The following JARID2 variants were observed in gnomAD, a reference collection of about 807,000 sequenced individuals.
The protein encoded by JARID2 is jumonji and AT-rich interaction domain containing 2, also known as protein Jumonji.
JARID2 carries 21 observed loss-of-function variants against 125.6 expected under a neutral mutation model. The ratio of observed to expected loss-of-function variants is 0.17; its 90% CI spans 0.12 to 0.24. The LOEUF (loss-of-function observed/expected upper bound fraction) is 0.24. JARID2 is among the 10% of genes least tolerant of loss of function. The pLI is 1.00. For missense variants in JARID2, 1,303 were observed against 1,639.6 expected, an observed-to-expected ratio of 0.79 and a Z score of 3.55; for synonymous variants, 736 against 661.6, an observed-to-expected ratio of 1.11 and a Z score of -1.73.
chr6:15,515,994 CAAAA>C (rs568172506), intron 16 of JARID2, among the ~76,000 whole-genome samples: 1 of 110,818 alleles, frequency 9.0e-6, no homozygotes, highest in East Asian at 2.7e-4. Flanking sequence ...GACTCCATCT[CAAAA>C]AAAAAAAAAA....
intron 1 of JARID2, among the ~76,000 whole-genome samples, chr6:15,314,032 AGGTGTCCTGATG>A (rs1762102149): frequency 2.0e-5 from 3 of 152,190 alleles, no homozygotes; most frequent in African/African-American, 7.2e-5. Context: ...CCAAGGCCCA[AGGTGTCCTGATG>A]TTGAGTCCTT....
In JARID2 at chr6:15,507,263, G is replaced by A. The variant is rs1771048630; in HGVS notation, c.2660+9G>A. ...TCAGAACCCTTTTCGAGGTAACCTG[G>A]GATTCTCTCGTCCAGGTTCTTGGGG... On this transcript the variant is annotated intron_variant, in intron 10 of 17. Coordinates refer to ENST00000341776, the MANE Select transcript of JARID2 (RefSeq NM_004973.4). 1 of 1,607,486 alleles carries A rather than the reference G, an allele frequency of 6.2e-7. No individual in the cohort carries two copies. Among genetic ancestry groups the A allele is most frequent in the Non-Finnish European group, 8.5e-7 (1 of 1,174,078 alleles).
At chr6:15,362,958 G>C (rs1205646192) in intron 1 of JARID2, among the ~76,000 whole-genome samples, 1 of 152,196 alleles carries the variant, frequency 6.6e-6, no homozygotes, top group East Asian at 1.9e-4. Flanking sequence ...AGAGTAGCCA[G>C]GAAGGTGGTG....
At chr6:15,342,012 G>GT (rs1410279754) in intron 1 of JARID2, among the ~76,000 whole-genome samples, 1 of 151,776 alleles carries the variant, frequency 6.6e-6, no homozygotes, top group African/African-American at 2.4e-5. Context: ...ATAAAAAGGG[G>GT]GGGGACAGCA....
At chr6:15,429,739 G>A (rs1004853548) in intron 3 of JARID2, among the ~76,000 whole-genome samples, 13 of 152,220 alleles carry the variant, frequency 8.5e-5, no homozygotes, top group African/African-American at 2.6e-4. Context: ...GGAAAGAACC[G>A]AGTACACGTT....
chr6:15,311,490 AT>A (rs1193666911), intron 1 of JARID2, among the ~76,000 whole-genome samples: 1 of 152,240 alleles, frequency 6.6e-6, no homozygotes, highest in Non-Finnish European at 1.5e-5. Context: ...AGGCAGGAGA[AT>A]CGCTTGAACC....
chr6:15,508,231 A>G (rs1771103933), intron 11 of JARID2, 109 bp from the exon 12 acceptor site: 1 of 667,812 alleles, frequency 1.5e-6, no homozygotes, highest in Non-Finnish European at 2.8e-6. Flanking sequence ...TTTGAGTCCC[A>G]TTTCTTTTCC....
At chr6:15,399,652 G>A (rs1262676511) in intron 2 of JARID2, among the ~76,000 whole-genome samples, 5 of 152,228 alleles carry the variant, frequency 3.3e-5, no homozygotes. Flanking sequence ...TCACTCCTGA[G>A]CAAAGTTGAC....
chr6:15,248,976 G>T, intron 1 of JARID2: 2 of 985,478 alleles, frequency 2.0e-6, no homozygotes, highest in Non-Finnish European at 2.4e-6. Context: ...TGAGGGCCGG[G>T]GAGCCGTAGG....
intron 2 of JARID2, chr6:15,400,762 C>G (rs1765396931): frequency 1.0e-6 from 1 of 981,324 alleles, no homozygotes; most frequent in South Asian, 4.7e-5. Context: ...TGGCTGCCTC[C>G]CCTCCCCCTC....
chr6:15,257,564 C>T (rs1759711964), intron 1 of JARID2, among the ~76,000 whole-genome samples: 1 of 152,142 alleles, frequency 6.6e-6, no homozygotes, highest in South Asian at 2.1e-4. Context: ...GGCTGTTGTA[C>T]AAAATGATGC....
At chr6:15,485,860 G>A (rs1441355988) in intron 5 of JARID2, among the ~76,000 whole-genome samples, 3 of 152,156 alleles carry the variant, frequency 2.0e-5, no homozygotes, top group Non-Finnish European at 2.9e-5. Context: ...TTTTCAGAAA[G>A]GACAGACAGG....
chr6:15,262,127 G>C (rs1441597871), intron 1 of JARID2, among the ~76,000 whole-genome samples: 1 of 150,638 alleles, frequency 6.6e-6, no homozygotes, highest in African/African-American at 2.4e-5. Context: ...CATGGAAAAG[G>C]TATGTATAAA....
Position 15,354,189 on chromosome 6 carries a change from A to C in JARID2, c.46-19928A>C, listed in dbSNP as rs1763522698. Among the ~76,000 whole-genome samples, 6 of 152,210 alleles carry C rather than the reference A, an allele frequency of 3.9e-5. No homozygotes were observed. In the South Asian group the frequency reaches 1.2e-3, roughly 32 times the overall value. On this transcript the variant is annotated intron_variant, in intron 1 of 17. Transcript: ENST00000341776. ...ACAGAGGTAGGTGGCTCACTGTCAG[A>C]GCAAAAAATGAGACGAGAAGACAGG...
chr6:15,285,103 TG>T (rs1760942672), intron 1 of JARID2, among the ~76,000 whole-genome samples: 2 of 143,620 alleles, frequency 1.4e-5, no homozygotes, highest in African/African-American at 5.4e-5. Flanking sequence ...TGAGTCTTTC[TG>T]GGTTTTTTTT....
intron 1 of JARID2, among the ~76,000 whole-genome samples, chr6:15,339,299 T>G (rs1762986138): frequency 6.6e-6 from 1 of 152,144 alleles, no homozygotes; most frequent in African/African-American, 2.4e-5. Context: ...CCCTATCTCC[T>G]GATTCAGCCA....
intron 5 of JARID2, 137 bp from the exon 6 acceptor site, chr6:15,487,170 C>T (rs1056008269): frequency 1.1e-5 from 8 of 709,572 alleles, no homozygotes; most frequent in Admixed American, 7.4e-5. Context: ...TCACCTCCCA[C>T]CAGTTCCCTC....
intron 1 of JARID2, among the ~76,000 whole-genome samples, chr6:15,262,347 A>C (rs530496335): frequency 3.8e-4 from 58 of 151,956 alleles, no homozygotes; most frequent in Non-Finnish European, 5.7e-4. Context: ...TGTGAATGGA[A>C]TCATATAATA....
At chr6:15,516,620 G>A (rs937448231) in intron 16 of JARID2, among the ~76,000 whole-genome samples, 6 of 152,212 alleles carry the variant, frequency 3.9e-5, no homozygotes, top group Non-Finnish European at 5.9e-5. Context: ...GTCGTTGGAC[G>A]CCGCTTGCTC....
Sources: allele counts gnomAD v4.1 joint callset (sites outside exome capture counted in the v4.1 genomes callset), GRCh38; gene constraint gnomAD v4.1.1; transcripts MANE v1.5; gene names NCBI Gene and HGNC (gene_info 2026-07-23, HGNC 2026-07-21).